Variants in PHF14 observed in about 807,000 individuals in gnomAD.
PHF14 encodes the protein PHD finger protein 14.
Under a neutral mutation model 117.9 loss-of-function variants are expected in PHF14, and 55 were observed. The ratio of observed to expected loss-of-function variants is 0.47; its 90% CI spans 0.38 to 0.58. The LOEUF is 0.58. Ranked by LOEUF, PHF14 falls within the 20% of genes least tolerant of loss-of-function variation. The probability of loss-of-function intolerance (pLI) is 0.00; values close to 1 mark genes in which losing one functional copy is unlikely to be tolerated. For synonymous variants in PHF14, 409 were observed against 368.6 expected, an observed-to-expected ratio of 1.11 and a Z score of -1.26; for missense variants, 978 against 1,122.2, an observed-to-expected ratio of 0.87 and a Z score of 1.84.
intron 2 of PHF14, among the ~76,000 whole-genome samples, chr7:10,978,633 T>G (rs1781948080): frequency 6.6e-6 from 1 of 152,176 alleles, no homozygotes; most frequent in Non-Finnish European, 1.5e-5. Context: ...CATTTTGTGT[T>G]GGATAATTTT....
chr7:11,033,280 G>T (rs116136011), intron 7 of PHF14, among the ~76,000 whole-genome samples: 1,979 of 152,242 alleles, frequency 0.013, 40 homozygotes, highest in African/African-American at 0.045. Context: ...AATTCCAGGC[G>T]GATTGGATAC....
intron 16 of PHF14, chr7:11,063,207 A>G: frequency 3.1e-6 from 3 of 983,010 alleles, no homozygotes; most frequent in Non-Finnish European, 3.6e-6. Flanking sequence ...GTTTATAATA[A>G]TTGGCTAATT....
chr7:11,031,416 G>A (rs560601031), intron 7 of PHF14, among the ~76,000 whole-genome samples: 2 of 152,074 alleles, frequency 1.3e-5, no homozygotes, highest in Non-Finnish European at 2.9e-5. Context: ...TTTATTAGAA[G>A]GATATTTAAA....
At chr7:11,072,504 C>T (rs57982430) in intron 16 of PHF14, among the ~76,000 whole-genome samples, 69 of 152,154 alleles carry the variant, frequency 4.5e-4, no homozygotes, top group African/African-American at 1.6e-3. Flanking sequence ...TGTGTTTTAC[C>T]TTCATTATCT....
chr7:11,144,956 G>A (rs754202445), intron 17 of PHF14, among the ~76,000 whole-genome samples: 17 of 151,970 alleles, frequency 1.1e-4, no homozygotes, highest in Non-Finnish European at 2.2e-4. Flanking sequence ...AGGAGAGAAT[G>A]AGGTATTTTG....
At chr7:11,073,054 T>A (rs1420638586) in intron 16 of PHF14, among the ~76,000 whole-genome samples, 1 of 152,184 alleles carries the variant, frequency 6.6e-6, no homozygotes, top group Non-Finnish European at 1.5e-5. Flanking sequence ...GTTATTTGAA[T>A]GGGAGAAACA....
intron 16 of PHF14, among the ~76,000 whole-genome samples, chr7:11,072,428 G>A (rs1219158484): frequency 6.6e-6 from 1 of 152,126 alleles, no homozygotes; most frequent in Non-Finnish European, 1.5e-5. Flanking sequence ...AGTGGGACAC[G>A]TATCCAAACT....
chr7:11,014,780 G>C (rs1224045042), intron 5 of PHF14: 1 of 152,110 alleles, frequency 6.6e-6, no homozygotes, highest in Non-Finnish European at 1.5e-5. Context: ...ATGCGTGAGA[G>C]GCAATTAATA....
At chr7:11,081,058 T>C (rs1786079602) in intron 16 of PHF14, among the ~76,000 whole-genome samples, 1 of 152,130 alleles carries the variant, frequency 6.6e-6, no homozygotes, top group Non-Finnish European at 1.5e-5. Context: ...AATATATATG[T>C]ATATATGTGT....
At position 11,098,525 on chromosome 7, in the gene PHF14, C is replaced by T. The variant is rs539142303; in HGVS notation, c.2655-12825C>T. Among the ~76,000 whole-genome samples, 94 of 152,214 alleles carry T rather than the reference C, an allele frequency of 6.2e-4. 1 individual carries two copies. Among genetic ancestry groups the T allele is most frequent in the Middle Eastern group, 6.8e-3 (2 of 294 alleles). On this transcript the variant is annotated intron_variant, in intron 16 of 17. Transcript: ENST00000634607. Reference sequence around the variant, plus strand: ...CTACAGCTCTACTATGTCTCACTTCCCCCAACCTTCTGGCTCGTTTCCTCA... The same window carrying T: ...CTACAGCTCTACTATGTCTCACTTCTCCCAACCTTCTGGCTCGTTTCCTCA...
intron 16 of PHF14, among the ~76,000 whole-genome samples, chr7:11,092,118 T>C (rs1189391753): frequency 6.6e-6 from 1 of 152,222 alleles, no homozygotes; most frequent in Non-Finnish European, 1.5e-5. Context: ...TTATCTCTGC[T>C]TAGTTGTATG....
intron 7 of PHF14, among the ~76,000 whole-genome samples, chr7:11,030,932 A>G (rs1388695514): frequency 1.3e-5 from 2 of 152,232 alleles, no homozygotes; most frequent in African/African-American, 4.8e-5. Flanking sequence ...GCATGAATCA[A>G]TATTAATGAA....
At chr7:10,995,763 C>T (rs1782622117) in intron 4 of PHF14, among the ~76,000 whole-genome samples, 1 of 152,186 alleles carries the variant, frequency 6.6e-6, no homozygotes, top group African/African-American at 2.4e-5. Context: ...TGCTGGGGGA[C>T]CCGGTGCACC....
rs139609215 is a variant in PHF14, at chr7:11,035,595, T to C, written c.1456-45T>C. On this transcript the variant is annotated intron_variant, in intron 7 of 17. Coordinates refer to ENST00000634607, the MANE Select transcript of PHF14 (RefSeq NM_001007157.2). ...TTTGTGTTAGGTCTTTTATGACTCT[T>C]GGGAGTACAAATGTTCACTATTTTT... The C allele has an allele frequency of 3.1e-4, 418 of 1,352,676 alleles. 3 individuals are homozygous for C. In the East Asian group the frequency reaches 9.5e-3, roughly 31 times the overall value. The allele number at this position is 1,352,676 out of a possible 1,614,324, so 83.8% of individuals were successfully genotyped here. A position where few individuals can be genotyped will look rare whatever the true frequency, so the allele number is the denominator to read the frequency against.
intron 4 of PHF14, among the ~76,000 whole-genome samples, chr7:11,003,607 A>T (rs1429196831): frequency 6.6e-6 from 1 of 152,218 alleles, no homozygotes; most frequent in Non-Finnish European, 1.5e-5. Context: ...CCCAATTTTT[A>T]AAAAGTTTAC....
intron 17 of PHF14, among the ~76,000 whole-genome samples, chr7:11,141,761 T>C (rs1374742805): frequency 6.6e-6 from 1 of 152,034 alleles, no homozygotes; most frequent in Non-Finnish European, 1.5e-5. Context: ...TTTCACTTTT[T>C]AAAGCTAGTC....
At chr7:11,069,993 G>C (rs1265487434) in intron 16 of PHF14, among the ~76,000 whole-genome samples, 1 of 152,048 alleles carries the variant, frequency 6.6e-6, no homozygotes, top group Non-Finnish European at 1.5e-5. Flanking sequence ...AATTTTGATA[G>C]AATTCTCCGG....
chr7:11,067,936 C>T (rs529079505), intron 16 of PHF14, among the ~76,000 whole-genome samples: 27 of 152,260 alleles, frequency 1.8e-4, no homozygotes, highest in African/African-American at 6.0e-4. Flanking sequence ...ATCTTCATGA[C>T]GTAAACACCT....
chr7:11,098,811 A>G (rs1461708863), intron 16 of PHF14, among the ~76,000 whole-genome samples: 1 of 152,186 alleles, frequency 6.6e-6, no homozygotes, highest in East Asian at 1.9e-4. Context: ...CATAAAAGTT[A>G]CTTGGCCATC....
Sources: allele counts gnomAD v4.1 joint callset (sites outside exome capture counted in the v4.1 genomes callset), GRCh38; gene constraint gnomAD v4.1.1; transcripts MANE v1.5; gene names NCBI Gene and HGNC (gene_info 2026-07-23, HGNC 2026-07-21).